COL23A1: variants seen among roughly 807,000 people sequenced by gnomAD.
COL23A1 encodes collagen type XXIII alpha 1 chain.
Under a neutral mutation model 99.3 loss-of-function variants are expected in COL23A1, and 97 were observed. The observed-to-expected ratio is 0.98, with a 90% CI of 0.83 to 1.16. The LOEUF (loss-of-function observed/expected upper bound fraction) is 1.16. COL23A1 is among the 50% of genes most tolerant of loss of function. COL23A1 has a pLI of 0.00. For missense variants in COL23A1, 762 were observed against 757.4 expected (o/e 1.01, Z -0.07); for synonymous variants, 320 against 308.2 (o/e 1.04, Z -0.40).
chr5:178,462,447 T>C (rs1026827653), intron 2 of COL23A1, among the ~76,000 whole-genome samples: 2 of 152,148 alleles, frequency 1.3e-5, no homozygotes, highest in Non-Finnish European at 2.9e-5. Context: ...TTTAAAGGAA[T>C]AAAGAACAAA....
At chr5:178,373,144 C>G (rs1203998127) in intron 2 of COL23A1, among the ~76,000 whole-genome samples, 1 of 152,186 alleles carries the variant, frequency 6.6e-6, no homozygotes, top group African/African-American at 2.4e-5. Flanking sequence ...ACAGGCTTAA[C>G]AAGACCCCAA....
At chr5:178,328,215 C>A (rs1294577188) in intron 2 of COL23A1, among the ~76,000 whole-genome samples, 1 of 152,226 alleles carries the variant, frequency 6.6e-6, no homozygotes, top group East Asian at 1.9e-4. Context: ...TCCACTCCCA[C>A]ACGTCCCCAC....
At chr5:178,458,252 G>A (rs889133969) in intron 2 of COL23A1, among the ~76,000 whole-genome samples, 6 of 42,724 alleles carry the variant, frequency 1.4e-4, no homozygotes, top group Non-Finnish European at 2.8e-4. Context: ...CCATCCTGCT[G>A]TTCCTAAGTG....
intron 2 of COL23A1, among the ~76,000 whole-genome samples, chr5:178,507,772 T>C (rs1758960150): frequency 6.6e-6 from 1 of 152,262 alleles, no homozygotes; most frequent in African/African-American, 2.4e-5. Flanking sequence ...TGTCATCAGA[T>C]TTCGGAAAGT....
Position 178,562,008 on chromosome 5 carries a change from T to G in COL23A1, c.295-1260A>C, listed in dbSNP as rs1223709374. The G allele has an allele frequency of 1.0e-5, 5 of 498,988 alleles. No individual in the cohort carries two copies. The Admixed American group carries it at 1.2e-4, about 12-fold the overall frequency. The allele number at this position is 498,988 out of a possible 1,614,324, so 30.9% of individuals were successfully genotyped here. A position where few individuals can be genotyped will look rare whatever the true frequency, so the allele number is the denominator to read the frequency against. ...GAGGCGCAGAGAGCGAAGCAGATCC[T>G]AAAACAGAAGAAGTTACCACGGTCA... is the stretch of plus-strand genomic sequence containing the variant. On this transcript the variant is annotated intron_variant, in intron 1 of 28. Coordinates refer to ENST00000390654, the MANE Select transcript of COL23A1 (RefSeq NM_173465.4).
rs751441402 is a variant in COL23A1, at chr5:178,262,256, C to T, written c.640-4G>A. The T allele has an allele frequency of 2.2e-5, 35 of 1,580,032 alleles. No individual in the cohort carries two copies. Among genetic ancestry groups the T allele is most frequent in the South Asian group, 1.0e-4 (9 of 86,120 alleles). On this transcript the variant is annotated splice_region_variant and splice_polypyrimidine_tract_variant and intron_variant, in intron 9 of 28. Coordinates refer to ENST00000390654, the MANE Select transcript of COL23A1 (RefSeq NM_173465.4). ...GTCCGGGCTCTCCTTTGGGGCCCTGCGGAAGTGTGAGGGGACAGCAGTGAA... is the reference window on the plus strand; with the variant it reads ...GTCCGGGCTCTCCTTTGGGGCCCTGTGGAAGTGTGAGGGGACAGCAGTGAA...
intron 2 of COL23A1, among the ~76,000 whole-genome samples, chr5:178,314,763 G>A (rs952829035): frequency 6.6e-6 from 1 of 152,168 alleles, no homozygotes; most frequent in African/African-American, 2.4e-5. Flanking sequence ...GGCTGTTACT[G>A]TTATCTCCAT....
At chr5:178,524,871 C>T (rs1760223698) in intron 2 of COL23A1, among the ~76,000 whole-genome samples, 1 of 152,254 alleles carries the variant, frequency 6.6e-6, no homozygotes, top group African/African-American at 2.4e-5. Context: ...TGCAGTCATT[C>T]ATTCATTCAA....
At chr5:178,498,861 G>A (rs570216722) in intron 2 of COL23A1, among the ~76,000 whole-genome samples, 60 of 152,002 alleles carry the variant, frequency 3.9e-4, no homozygotes, top group East Asian at 1.7e-3. Context: ...AGGCTGAGGC[G>A]AGTGGATCAC....
chr5:178,571,668 C>T (rs954661531), intron 1 of COL23A1, among the ~76,000 whole-genome samples: 6 of 152,038 alleles, frequency 3.9e-5, no homozygotes, highest in African/African-American at 1.5e-4. Context: ...TGAAACTGGC[C>T]CACAACTGCC....
rs934374525 is a variant in COL23A1, at chr5:178,281,464, C to G, written c.441+6860G>C. ...CCTGGGGCCCCGGCTGTCGCTGCTC[C>G]CAGGACTGAGGCCGGAGATGAAGTG... On this transcript the variant is annotated intron_variant, in intron 5 of 28. Coordinates refer to ENST00000390654, the MANE Select transcript of COL23A1 (RefSeq NM_173465.4). This position sits in a 1 kb window ranked among gnomAD's most constrained non-coding sequence, Gnocchi z 4.0. 1.3e-5 allele frequency among the ~76,000 whole-genome samples: 2 copies of G among 152,152 alleles called. No individual in the cohort carries two copies. Among genetic ancestry groups the G allele is most frequent in the African/African-American group, 4.8e-5 (2 of 41,432 alleles).
At chr5:178,368,038 G>C (rs1187144261) in intron 2 of COL23A1, among the ~76,000 whole-genome samples, 5 of 152,224 alleles carry the variant, frequency 3.3e-5, no homozygotes, top group African/African-American at 1.2e-4. Context: ...GGGCAGGGAA[G>C]GACTGATCAG....
chr5:178,584,790 A>T (rs1225114407), intron 1 of COL23A1, among the ~76,000 whole-genome samples: 1 of 152,126 alleles, frequency 6.6e-6, no homozygotes, highest in Admixed American at 6.5e-5. Context: ...GTGCAGGTGC[A>T]CTGTATGTGG....
In COL23A1 at chr5:178,255,805, G is replaced by A. The variant is rs894598636; in HGVS notation, c.882+548C>T. The A allele has an allele frequency of 2.5e-5, 10 of 399,090 alleles. No individual in the cohort carries two copies. The highest frequency in any genetic ancestry group is 1.9e-4 in the African/African-American group (9 of 47,456). The allele number at this position is 399,090 out of a possible 1,614,324, so 24.7% of individuals were successfully genotyped here. On this transcript the variant is annotated intron_variant, in intron 15 of 28. Transcript: ENST00000390654. This position sits in a 1 kb window ranked among gnomAD's most constrained non-coding sequence, Gnocchi z 4.2. ...CCACCACCTGCACAGCCAGGCGGGG[G>A]CTCAGATCCATTTTTTTTGGAGGAA...
chr5:178,586,610 GA>G (rs11464020), intron 1 of COL23A1, among the ~76,000 whole-genome samples: 51 of 144,392 alleles, frequency 3.5e-4, no homozygotes, highest in Non-Finnish European at 3.5e-4. Context: ...CTGTTGCAAG[GA>G]AAAAAAAAAA....
At chr5:178,427,260 C>A (rs951962921) in intron 2 of COL23A1, among the ~76,000 whole-genome samples, 1 of 152,218 alleles carries the variant, frequency 6.6e-6, no homozygotes, top group Non-Finnish European at 1.5e-5. Flanking sequence ...ATCCAGCACA[C>A]TGAACCACCA....
chr5:178,363,195 A>G (rs1015911955), intron 2 of COL23A1, among the ~76,000 whole-genome samples: 2 of 151,992 alleles, frequency 1.3e-5, no homozygotes, highest in African/African-American at 4.8e-5. Context: ...CGGGGCACTA[A>G]GCATCAGCCC....
chr5:178,386,049 G>A (rs1245285361), intron 2 of COL23A1, among the ~76,000 whole-genome samples: 1 of 152,134 alleles, frequency 6.6e-6, no homozygotes, highest in Non-Finnish European at 1.5e-5. Flanking sequence ...ATAGGCAGCT[G>A]GAGAAATGAA....
At chr5:178,367,591 T>C (rs1347902088) in intron 2 of COL23A1, among the ~76,000 whole-genome samples, 1 of 152,108 alleles carries the variant, frequency 6.6e-6, no homozygotes, top group Admixed American at 6.5e-5. Context: ...CCGGGAGCCC[T>C]GACATGTTAG....
Sources: allele counts gnomAD v4.1 joint callset (sites outside exome capture counted in the v4.1 genomes callset), GRCh38; gene constraint gnomAD v4.1.1; non-coding constraint Gnocchi (gnomAD v3.1); transcripts MANE v1.5; gene names NCBI Gene and HGNC (gene_info 2026-07-23, HGNC 2026-07-21).